Variants in RAD18 observed in about 807,000 individuals in gnomAD.
RAD18 encodes E3 ubiquitin-protein ligase RAD18.
In RAD18, 47 loss-of-function variants were observed where a neutral mutation model predicts 60.4. That is an observed-to-expected ratio of 0.78 (90% CI 0.62 to 0.99). RAD18 has a LOEUF of 0.99. Among genes scored for constraint, RAD18 ranks in the 50% least tolerant of loss-of-function variants. The pLI, the probability that RAD18 is intolerant of heterozygous loss-of-function variation, is 0.00. For synonymous variants in RAD18, 225 were observed against 195.5 expected (o/e 1.15, Z -1.26); for missense variants, 640 against 593.3 (o/e 1.08, Z -0.82).
chr3:8,890,163 A>G (rs1313306117), intron 12 of RAD18: 2 of 530,742 alleles, frequency 3.8e-6, no homozygotes, highest in Admixed American at 3.1e-5. Context: ...CAATTTATCC[A>G]TACAGAAATA....
rs1265899251 is a variant in RAD18 at position 8,881,257 on chromosome 3, A to G, written c.*100T>C. On this transcript the variant is annotated 3_prime_UTR_variant, in exon 13 of 13. Transcript: ENST00000264926. ...CAGCTAACCGTAATATTTAGAATTT[A>G]GCATCTTTCCTTGGGCATTTATAAA... 4 of 931,830 alleles carry G rather than the reference A, an allele frequency of 4.3e-6. No individual in the cohort carries two copies. The African/African-American group carries it at 6.7e-5, about 16-fold the overall frequency. The allele number at this position is 931,830 out of a possible 1,614,324, so 57.7% of individuals were successfully genotyped here. A position where few individuals can be genotyped will look rare whatever the true frequency, so the allele number is the denominator to read the frequency against.
chr3:8,942,391 A>G (rs554030201), intron 4 of RAD18, among the ~76,000 whole-genome samples: 20 of 152,312 alleles, frequency 1.3e-4, no homozygotes, highest in African/African-American at 4.8e-4. Flanking sequence ...ACCTCACTAG[A>G]AGCCGAGCAG....
At chr3:8,889,832 C>T (rs2125046667) in intron 12 of RAD18, among the ~76,000 whole-genome samples, 1 of 152,254 alleles carries the variant, frequency 6.6e-6, no homozygotes, top group African/African-American at 2.4e-5. Context: ...GGATGAGTAA[C>T]AGTGATCAGA....
chr3:8,927,620 T>C (rs1191469184), intron 7 of RAD18, among the ~76,000 whole-genome samples: 3 of 152,202 alleles, frequency 2.0e-5, no homozygotes, highest in Non-Finnish European at 2.9e-5. Context: ...CATATGTTTA[T>C]TGTGGCACTA....
At chr3:8,885,287 T>C (rs1939539108) in intron 12 of RAD18, among the ~76,000 whole-genome samples, 1 of 152,206 alleles carries the variant, frequency 6.6e-6, no homozygotes, top group Non-Finnish European at 1.5e-5. Flanking sequence ...TTCACTGTTT[T>C]CTTGCTGCAA....
chr3:8,898,982 C>T lies in RAD18; in HGVS notation c.1234G>A (p.Glu412Lys). ...TCCTCTTCTCTGTCAGGTTCCAATT[C>T]CTCTGGGGAGTCCAGCTTTGATTGA... ...FSQSKLDSPE[E>K]LEPDREEDSS... is the part of the protein sequence containing the mutation. Residue 412 changes from glutamate to lysine, a missense_variant, in exon 11 of 13, where the codon GAA becomes AAA. Physicochemically the swap from Glu to Lys is moderately conservative, Grantham distance 56. Transcript: ENST00000264926. 8 of 1,610,094 alleles carry T rather than the reference C, an allele frequency of 5.0e-6. No individual in the cohort carries two copies. Among genetic ancestry groups the T allele is most frequent in the Non-Finnish European group, 6.8e-6 (8 of 1,177,364 alleles).
chr3:8,945,042 G>A (rs1017284317), intron 4 of RAD18, among the ~76,000 whole-genome samples: 4 of 152,146 alleles, frequency 2.6e-5, no homozygotes, highest in Admixed American at 6.5e-5. Flanking sequence ...GTATGACAAC[G>A]ATTTATATAG....
At chr3:8,887,696 T>G (rs1939593097) in intron 12 of RAD18, among the ~76,000 whole-genome samples, 1 of 152,160 alleles carries the variant, frequency 6.6e-6, no homozygotes, top group African/African-American at 2.4e-5. Context: ...CCAAGTCAAG[T>G]AAAGTAAAAG....
chr3:8,938,707 G>C (rs1227115082), intron 6 of RAD18, among the ~76,000 whole-genome samples: 1 of 152,150 alleles, frequency 6.6e-6, no homozygotes, highest in African/African-American at 2.4e-5. Context: ...GAAGGAAAGA[G>C]ACTGAAGGCT....
At chr3:8,929,855 C>G (rs930855800) in intron 7 of RAD18, among the ~76,000 whole-genome samples, 1 of 152,162 alleles carries the variant, frequency 6.6e-6, no homozygotes, top group Admixed American at 6.5e-5. Flanking sequence ...GTTGGCCAGG[C>G]TGGTCTCCAA....
chr3:8,886,103 G>C (rs1044078666), intron 12 of RAD18, among the ~76,000 whole-genome samples: 1 of 152,208 alleles, frequency 6.6e-6, no homozygotes. Context: ...TTAGCTGCTA[G>C]AGAAAAAGAA....
intron 4 of RAD18, among the ~76,000 whole-genome samples, chr3:8,942,811 C>T (rs1940776255): frequency 1.3e-5 from 2 of 152,198 alleles, no homozygotes; most frequent in Non-Finnish European, 2.9e-5. Context: ...TCCATTCCTG[C>T]TCATTTCCAG....
Position 8,915,804 on chromosome 3 carries a change from C to T in RAD18, c.890-2084G>A, listed in dbSNP as rs189204397. 8.5e-3 allele frequency among the ~76,000 whole-genome samples: 1,295 copies of T among 152,096 alleles called. 11 individuals carry two copies. Among genetic ancestry groups the T allele is most frequent in the African/African-American group, 0.026 (1,091 of 41,504 alleles). On this transcript the variant is annotated intron_variant, in intron 7 of 12. Transcript: ENST00000264926. ...TTCACCATGTTAGCCAGGATGGTCT[C>T]GATCTCCTGACCTCGTGATCCACCC...
At chr3:8,906,735 T>C (rs1013652751) in intron 9 of RAD18, among the ~76,000 whole-genome samples, 2 of 152,026 alleles carry the variant, frequency 1.3e-5, no homozygotes, top group Non-Finnish European at 2.9e-5. Flanking sequence ...ATATAGTCTC[T>C]GTTATTCCAT....
intron 7 of RAD18, among the ~76,000 whole-genome samples, chr3:8,924,377 A>G (rs1940386525): frequency 6.8e-6 from 1 of 146,586 alleles, no homozygotes; most frequent in African/African-American, 2.5e-5. Context: ...CTAAATATAT[A>G]TGCACCCAAT....
chr3:8,957,593 C>T lies in RAD18; in HGVS notation c.133+1327G>A, dbSNP rs188931052. Among the ~76,000 whole-genome samples, 4 of 152,180 alleles carry T rather than the reference C, an allele frequency of 2.6e-5. No homozygotes were observed. In the South Asian group the frequency reaches 6.2e-4, roughly 24 times the overall value. ...AGTTTACAGATTATTTAGGTTCATG[C>T]TCTTTCCTGTTCTCTATTTTCAAGT... On this transcript the variant is annotated intron_variant, in intron 2 of 12. Transcript: ENST00000264926.
chr3:8,943,275 G>A (rs1261429847), intron 4 of RAD18, among the ~76,000 whole-genome samples: 1 of 151,458 alleles, frequency 6.6e-6, no homozygotes, highest in African/African-American at 2.4e-5. Context: ...AGCAGACCCA[G>A]AGGTAATCCA....
chr3:8,949,675 G>A (rs1559798686), intron 2 of RAD18, among the ~76,000 whole-genome samples: 2 of 130,072 alleles, frequency 1.5e-5, no homozygotes, highest in Non-Finnish European at 3.1e-5. Flanking sequence ...GAGAGAGAGA[G>A]GGGGGTAATA....
intron 5 of RAD18, among the ~76,000 whole-genome samples, chr3:8,940,236 G>A (rs1940724674): frequency 6.6e-6 from 1 of 152,092 alleles, no homozygotes; most frequent in Non-Finnish European, 1.5e-5. Context: ...GTATCTCGGG[G>A]CCTACAGACC....
Sources: gnomAD v4.1 joint callset for allele counts (sites outside exome capture counted in the v4.1 genomes callset) on GRCh38, gnomAD v4.1.1 for gene constraint, MANE v1.5 for transcripts, NCBI Gene and HGNC (gene_info 2026-07-23, HGNC 2026-07-21) for gene names.